MDN1: variants seen among roughly 807,000 people sequenced by gnomAD.
The protein encoded by MDN1 is midasin AAA ATPase 1.
In MDN1, 266 loss-of-function variants were observed where a neutral mutation model predicts 669.2. The ratio of observed to expected loss-of-function variants is 0.40; its 90% CI spans 0.36 to 0.44. The LOEUF (loss-of-function observed/expected upper bound fraction) is 0.44, where lower values mean the gene tolerates loss of function less well. Among genes scored for constraint, MDN1 ranks in the 20% least tolerant of loss-of-function variants. The pLI is 1.00. For missense variants in MDN1, 5,940 were observed against 6,754.0 expected (o/e 0.88, Z 4.22); for synonymous variants, 2,385 against 2,457.1 (o/e 0.97, Z 0.87).
chr6:89,744,103 TAAAAAAAAAAAAAA>T (rs576136951), intron 29 of MDN1, among the ~76,000 whole-genome samples: 1 of 36,712 alleles, frequency 2.7e-5, no homozygotes, highest in South Asian at 1.2e-3. Flanking sequence ...AATGCCTTCT[TAAAAAAAAAAAAAA>T]AAAAAAAAAA....
intron 34 of MDN1, 47 bp downstream of exon 34, chr6:89,732,510 C>G (rs761611434): frequency 3.9e-6 from 6 of 1,539,176 alleles, no homozygotes; most frequent in Non-Finnish European, 5.4e-6. Context: ...TTTTCCTATG[C>G]CCCTCTATAC....
intron 31 of MDN1, among the ~76,000 whole-genome samples, chr6:89,741,125 G>T (rs1380282465): frequency 6.6e-6 from 1 of 152,104 alleles, no homozygotes; most frequent in Non-Finnish European, 1.5e-5. Flanking sequence ...CCAGCTACTC[G>T]GGAGGCTGAG....
intron 2 of MDN1, among the ~76,000 whole-genome samples, chr6:89,799,029 G>A (rs1767461440): frequency 6.6e-6 from 1 of 152,176 alleles, no homozygotes; most frequent in Admixed American, 6.5e-5. Flanking sequence ...TGGAGAGGAA[G>A]AAAAGTCTAA....
At chr6:89,699,540 T>C (rs1047253302) in intron 58 of MDN1, 61 bp downstream of exon 58, 6 of 1,530,968 alleles carry the variant, frequency 3.9e-6, no homozygotes, top group African/African-American at 1.4e-5. Context: ...AACCAGTCTG[T>C]CAAAGAAAAT....
chr6:89,800,776 G>A (rs756819575), intron 2 of MDN1, among the ~76,000 whole-genome samples: 32 of 152,128 alleles, frequency 2.1e-4, no homozygotes, highest in Non-Finnish European at 4.1e-4. Context: ...TAGAGAGGGG[G>A]TGTGCAGGGG....
At chr6:89,704,115 T>C (rs577478101) in intron 53 of MDN1, among the ~76,000 whole-genome samples, 2 of 152,112 alleles carry the variant, frequency 1.3e-5, no homozygotes, top group South Asian at 4.2e-4. Flanking sequence ...GAACAGTGGC[T>C]CATGCCTGTA....
intron 53 of MDN1, among the ~76,000 whole-genome samples, chr6:89,704,289 G>A (rs956299745): frequency 6.6e-5 from 10 of 152,286 alleles, no homozygotes; most frequent in South Asian, 2.1e-4. Context: ...GCTGAGGCAG[G>A]AGAATTGCTT....
intron 18 of MDN1, among the ~76,000 whole-genome samples, 167 bp downstream of exon 18, chr6:89,758,649 T>C (rs913431613): frequency 6.6e-6 from 1 of 152,202 alleles, no homozygotes; most frequent in Non-Finnish European, 1.5e-5. Context: ...GCATTCCCCA[T>C]ACCACCCAAC....
chr6:89,724,273 T>C (rs1815050005), intron 38 of MDN1, among the ~76,000 whole-genome samples: 1 of 152,198 alleles, frequency 6.6e-6, no homozygotes, highest in East Asian at 1.9e-4. Context: ...GTTTGAAAGT[T>C]TTCTCAATAA....
intron 58 of MDN1, 112 bp from the exon 59 acceptor site, chr6:89,699,147 A>G: frequency 9.7e-7 from 1 of 1,028,354 alleles, no homozygotes; most frequent in African/African-American, 1.6e-5. Context: ...TAAAGGTATT[A>G]ATCCAAATTT....
At chr6:89,756,442 T>C (rs1350782106) in intron 19 of MDN1, 52 bp from the exon 20 acceptor site, 10 of 839,916 alleles carry the variant, frequency 1.2e-5, no homozygotes, top group Non-Finnish European at 1.7e-5. Flanking sequence ...ATAACTATGT[T>C]GACAATAGAA....
rs772226783 is a variant in MDN1, at chr6:89,658,772, C to G, written c.14859G>C (p.Gly4953=). ...CAGCTCCTGTGTCCATTTCCTCTTC[C>G]CCTTCTGCCTTGTCATCTTCACTGG... The part of the protein sequence containing the change: ...EGPSEDDKAE[G]EEEMDTGADD... Residue 4953 remains glycine, a synonymous_variant, in exon 89 of 102, where the codon GGG becomes GGC. Transcript: ENST00000369393. The G allele has an allele frequency of 1.2e-6, 2 of 1,614,160 alleles. No homozygotes were observed. Among genetic ancestry groups the G allele is most frequent in the East Asian group, 4.5e-5 (2 of 44,880 alleles).
intron 10 of MDN1, among the ~76,000 whole-genome samples, chr6:89,780,838 A>G (rs1281372067): frequency 2.0e-5 from 3 of 147,328 alleles, no homozygotes; most frequent in South Asian, 2.2e-4. Flanking sequence ...TTTAGTAGAG[A>G]TGGGGTTTCA....
At chr6:89,746,609 A>AG (rs1562172895) in intron 27 of MDN1, among the ~76,000 whole-genome samples, 3 of 14,770 alleles carry the variant, frequency 2.0e-4, no homozygotes, top group Non-Finnish European at 5.4e-4. Flanking sequence ...AAAAAAAAAA[A>AG]AAAAAGAAAG....
Position 89,676,203 on chromosome 6 carries a change from G to A in MDN1, c.12544C>T (p.Leu4182Phe). Residue 4182 changes from leucine to phenylalanine, a missense_variant, in exon 77 of 102, where the codon CTT (leucine) becomes TTT (phenylalanine). Transcript: ENST00000369393. ...SSTQEADSRL[L>F]TEISSSWDGC... is the part of the protein sequence containing the mutation. ...TCCCATGAAGACGAGATTTCTGTAA[G>A]CAGCCTGGAAAAGATATCAACATTG... 1 of 1,614,042 alleles carries A rather than the reference G, an allele frequency of 6.2e-7. No individual in the cohort carries two copies. Among genetic ancestry groups the A allele is most frequent in the Non-Finnish European group, 8.5e-7 (1 of 1,179,870 alleles).
chr6:89,683,567 C>T (rs144025317), intron 72 of MDN1, among the ~76,000 whole-genome samples: 1 of 152,092 alleles, frequency 6.6e-6, no homozygotes, highest in East Asian at 1.9e-4. Flanking sequence ...TTGCTTTGCT[C>T]AAAGTATACA....
chr6:89,707,556 C>T, intron 51 of MDN1, 80 bp from the exon 52 acceptor site: 1 of 903,900 alleles, frequency 1.1e-6, no homozygotes, highest in East Asian at 2.5e-5. Context: ...TGCTGGAACA[C>T]TTGGAACATC....
intron 8 of MDN1, among the ~76,000 whole-genome samples, chr6:89,786,924 C>CAAAAAAAA (rs35077997): frequency 1.3e-5 from 1 of 76,592 alleles, no homozygotes; most frequent in Non-Finnish European, 2.4e-5. Context: ...GACTCCATCT[C>CAAAAAAAA]AAAAAAAAAA....
At chr6:89,715,491 A>G (rs1814294882) in intron 45 of MDN1, among the ~76,000 whole-genome samples, 162 bp downstream of exon 45, 1 of 152,198 alleles carries the variant, frequency 6.6e-6, no homozygotes, top group Admixed American at 6.5e-5. Context: ...TGCCTGGCAA[A>G]TAGTAAAGCC....
Sources: gnomAD v4.1 joint callset for allele counts (sites outside exome capture counted in the v4.1 genomes callset) on GRCh38, gnomAD v4.1.1 for gene constraint, MANE v1.5 for transcripts, NCBI Gene and HGNC (gene_info 2026-07-23, HGNC 2026-07-21) for gene names.